Variants in PRAMEF18 observed in about 807,000 individuals in gnomAD.
The protein encoded by PRAMEF18 is PRAME family member 18.
Under a neutral mutation model 23.7 loss-of-function variants are expected in PRAMEF18, and 15 were observed. The ratio of observed to expected loss-of-function variants is 0.63; its 90% CI spans 0.42 to 0.97. The LOEUF is 0.97. PRAMEF18 is among the 50% of genes least tolerant of loss of function. The pLI, the probability that PRAMEF18 is intolerant of heterozygous loss-of-function variation, is 0.00. For missense variants in PRAMEF18, 223 were observed against 418.6 expected, an observed-to-expected ratio of 0.53 and a Z score of 4.08; for synonymous variants, 78 against 159.9, an observed-to-expected ratio of 0.49 and a Z score of 3.86.
chr1:13,224,830 G>A lies in PRAMEF18; in HGVS notation c.866+25C>T, dbSNP rs1569663515. On this transcript the variant is annotated intron_variant, in intron 2 of 2. Transcript: ENST00000624297. ...AAAAAAGGCTGTGCTATGGCCCCCA[G>A]AGAAAGCTCACCATCCTTCCTCACC... The A allele has an allele frequency of 6.2e-6, 10 of 1,613,748 alleles. No individual in the cohort carries two copies. The East Asian group carries it at 1.3e-4, about 22-fold the overall frequency.
intron 1 of PRAMEF18, 153 bp downstream of exon 1, chr1:13,225,667 C>G (rs1638839626): frequency 7.5e-7 from 1 of 1,338,530 alleles, no homozygotes; most frequent in Non-Finnish European, 1.0e-6. Context: ...GGTGAGCAGT[C>G]CTTTCCCAGA....
chr1:13,226,133 C>A, upstream of PRAMEF18: 1 of 1,611,840 alleles, frequency 6.2e-7, no homozygotes, highest in Non-Finnish European at 8.5e-7. Flanking sequence ...GAAAACAAAT[C>A]CAGAGAAGAC....
intron 1 of PRAMEF18, 76 bp downstream of exon 1, chr1:13,225,744 C>A (rs1173557708): frequency 6.2e-7 from 1 of 1,612,178 alleles, no homozygotes. Flanking sequence ...CCCTGGGCCA[C>A]CCCGGGTTCC....
At chr1:13,225,285 G>C in exon 2 of PRAMEF18, 2 of 1,612,194 alleles carry the variant, frequency 1.2e-6, no homozygotes, top group South Asian at 1.1e-5. Context: ...ACCTTCAAGG[G>C]CTGCTTCTCT....
At chr1:13,226,127 A>G, upstream of PRAMEF18, 1 of 1,611,536 alleles carries the variant, frequency 6.2e-7, no homozygotes, top group East Asian at 2.2e-5. Flanking sequence ...CTGCAAGAAA[A>G]CAAATCCAGA....
intron 1 of PRAMEF18, 124 bp downstream of exon 1, chr1:13,225,696 A>G: frequency 1.3e-6 from 2 of 1,597,852 alleles, no homozygotes; most frequent in East Asian, 2.2e-5. Flanking sequence ...GCAATAGCCA[A>G]GAACGTTCCC....
chr1:13,224,817 G>T (rs1638817780), intron 2 of PRAMEF18, 38 bp downstream of exon 2: 1 of 1,613,452 alleles, frequency 6.2e-7, no homozygotes, highest in Non-Finnish European at 8.5e-7. Context: ...AAAAGGCTGT[G>T]CTATGGCCCC....
intron 2 of PRAMEF18, 99 bp downstream of exon 2, chr1:13,224,756 T>G: frequency 1.3e-6 from 2 of 1,596,278 alleles, no homozygotes; most frequent in Non-Finnish European, 1.7e-6. Context: ...TCCCTAGACA[T>G]CTCCAGTGGC....
In PRAMEF18 at chr1:13,226,026, G is replaced by A; in HGVS notation, c.81C>T (p.Val27=). 1.9e-6 allele frequency: 3 copies of A among 1,614,024 alleles called. No homozygotes were observed. In the East Asian group the frequency reaches 6.7e-5, roughly 36 times the overall value. The change falls in exon 1 of 3, where the codon GTC becomes GTT. Residue 27 remains valine, a synonymous_variant. Coordinates refer to ENST00000624297, the Ensembl canonical transcript of PRAMEF18. The stretch of plus-strand genomic sequence containing the variant: ...AGAGCTCCCTGGGCAGCTCATCCAG[G>A]ACGGAGATGGCCAAGGCCTGGTCCC...
chr1:13,224,769 G>C lies in PRAMEF18; in HGVS notation c.866+86C>G. Reference sequence around the variant, plus strand: ...CTTCCCTAGACATCTCCAGTGGCTGGCACACAGTAGATGCTGATTGGTGTT... The same window carrying C: ...CTTCCCTAGACATCTCCAGTGGCTGCCACACAGTAGATGCTGATTGGTGTT... On this transcript the variant is annotated intron_variant, in intron 2 of 2. Coordinates refer to ENST00000624297, the Ensembl canonical transcript of PRAMEF18. 8 of 1,603,104 alleles carry C rather than the reference G, an allele frequency of 5.0e-6. No individual in the cohort carries two copies. The South Asian group carries it at 9.0e-5, about 18-fold the overall frequency.
chr1:13,223,941 A>T (rs1468388489), intron 2 of PRAMEF18, 36 bp from the exon 3 acceptor site: 1 of 44,436 alleles, frequency 2.3e-5, no homozygotes, highest in Non-Finnish European at 4.0e-5. Context: ...GGGCAATGGC[A>T]CCAGTTAGAG....
At chr1:13,224,652 C>T in intron 2 of PRAMEF18, 1 of 985,908 alleles carries the variant, frequency 1.0e-6, no homozygotes, top group Non-Finnish European at 1.5e-6. Context: ...TAGCTTCTAC[C>T]CCAGGTCATC....
exon 2 of PRAMEF18, chr1:13,224,870 A>T: frequency 6.2e-7 from 1 of 1,614,024 alleles, no homozygotes; most frequent in Non-Finnish European, 8.5e-7. Context: ...CAGCTGGTCC[A>T]GGTGGCCTCT....
intron 2 of PRAMEF18, 66 bp downstream of exon 2, chr1:13,224,789 G>A (rs879023547): frequency 2.5e-6 from 4 of 1,610,516 alleles, no homozygotes; most frequent in African/African-American, 2.7e-5. Flanking sequence ...GATGCTGATT[G>A]GTGTTTATTG....
chr1:13,225,944 T>A (rs1638844805), exon 1 of PRAMEF18: 1 of 1,614,204 alleles, frequency 6.2e-7, no homozygotes, highest in Non-Finnish European at 8.5e-7. Flanking sequence ...GCCTGCACCA[T>A]CACCTTCAGA....
chr1:13,225,693 C>T (rs937252116), intron 1 of PRAMEF18, 127 bp downstream of exon 1: 11 of 1,591,450 alleles, frequency 6.9e-6, no homozygotes, highest in Non-Finnish European at 8.6e-6. Context: ...TGGGCAATAG[C>T]CAAGAACGTT....
chr1:13,224,770 C>A, intron 2 of PRAMEF18, 85 bp downstream of exon 2: 1 of 1,603,712 alleles, frequency 6.2e-7, no homozygotes, highest in Non-Finnish European at 8.5e-7. Flanking sequence ...CAGTGGCTGG[C>A]ACACAGTAGA....
chr1:13,224,736 A>G, intron 2 of PRAMEF18, 119 bp downstream of exon 2: 1 of 1,560,718 alleles, frequency 6.4e-7, no homozygotes, highest in Non-Finnish European at 8.7e-7. Context: ...AATGCATTCT[A>G]GTGTCCCCTT....
intron 2 of PRAMEF18, chr1:13,224,474 C>T (rs1319809922): frequency 7.2e-4 from 230 of 321,438 alleles, no homozygotes; most frequent in Middle Eastern, 4.5e-3. Context: ...CTCTGTGAAA[C>T]ACACAGGTTT....
Sources: gnomAD v4.1 joint callset for allele counts on GRCh38, gnomAD v4.1.1 for gene constraint, MANE v1.5 for transcripts, NCBI Gene and HGNC (gene_info 2026-07-23, HGNC 2026-07-21) for gene names.